Variants in PDE4D observed in about 807,000 individuals in gnomAD.
PDE4D encodes the protein 3',5'-cyclic-AMP phosphodiesterase 4D.
A neutral mutation model predicts 87.4 loss-of-function variants in PDE4D; 24 were observed. That is an observed-to-expected ratio of 0.27 (90% CI 0.20 to 0.39). The LOEUF is 0.39. Among genes scored for constraint, PDE4D ranks in the 10% least tolerant of loss-of-function variants. The probability of loss-of-function intolerance (pLI) is 1.00; values close to 1 mark genes in which losing one functional copy is unlikely to be tolerated. For missense variants in PDE4D, 714 were observed against 1,041.0 expected, an observed-to-expected ratio of 0.69 and a Z score of 4.32; for synonymous variants, 384 against 383.2, an observed-to-expected ratio of 1.00 and a Z score of -0.02.
chr5:60,427,575 T>A (rs921941556), intron 1 of PDE4D, among the ~76,000 whole-genome samples: 1 of 152,176 alleles, frequency 6.6e-6, no homozygotes, highest in African/African-American at 2.4e-5. Context: ...AAGTTGAAGA[T>A]AACTGATACC....
chr5:59,069,111 T>C (rs1165450684), intron 5 of PDE4D, among the ~76,000 whole-genome samples: 2 of 152,158 alleles, frequency 1.3e-5, no homozygotes, highest in African/African-American at 4.8e-5. Flanking sequence ...GAGCCTAAAG[T>C]TATCTAAATA....
chr5:60,439,927 A>C (rs199965396), intron 1 of PDE4D, among the ~76,000 whole-genome samples: 31 of 125,988 alleles, frequency 2.5e-4, no homozygotes, highest in South Asian at 1.4e-3. Flanking sequence ...AAAAAAAAAA[A>C]CAAAAAAAAA....
At chr5:59,082,265 C>T (rs936822276) in intron 5 of PDE4D, among the ~76,000 whole-genome samples, 2 of 152,240 alleles carry the variant, frequency 1.3e-5, no homozygotes, top group Admixed American at 6.5e-5. Flanking sequence ...TTTTCTTCGA[C>T]ATCTATAATT....
intron 1 of PDE4D, among the ~76,000 whole-genome samples, chr5:59,857,635 T>C (rs1745639163): frequency 1.3e-5 from 2 of 152,134 alleles, no homozygotes; most frequent in East Asian, 3.9e-4. Context: ...ACTAGTAACA[T>C]TTTGGAAGAT....
intron 1 of PDE4D, among the ~76,000 whole-genome samples, chr5:60,450,087 A>G (rs1745977568): frequency 6.6e-6 from 1 of 151,200 alleles, no homozygotes; most frequent in South Asian, 2.1e-4. Flanking sequence ...AATCCTGTTT[A>G]ACTGGAATCT....
chr5:59,680,274 TC>T (rs1748786949), intron 1 of PDE4D, among the ~76,000 whole-genome samples: 1 of 152,156 alleles, frequency 6.6e-6, no homozygotes, highest in African/African-American at 2.4e-5. Flanking sequence ...CTAACATTTG[TC>T]CCGTTGTTTC....
intron 1 of PDE4D, among the ~76,000 whole-genome samples, chr5:59,339,387 TTCTG>T (rs1778307887): frequency 6.6e-6 from 1 of 152,176 alleles, no homozygotes; most frequent in Non-Finnish European, 1.5e-5. Context: ...CCAAATAGCA[TTCTG>T]TCTAAGGTTA....
chr5:59,195,588 G>T (rs1245803852), intron 2 of PDE4D, among the ~76,000 whole-genome samples: 1 of 152,218 alleles, frequency 6.6e-6, no homozygotes, highest in Non-Finnish European at 1.5e-5. Context: ...TTTACTCTCT[G>T]ATGGAAGTTT....
At chr5:59,834,040 T>C (rs1479358115) in intron 1 of PDE4D, among the ~76,000 whole-genome samples, 1 of 152,042 alleles carries the variant, frequency 6.6e-6, no homozygotes, top group African/African-American at 2.4e-5. Flanking sequence ...ATCAAAATGA[T>C]CTGGAGACTG....
intron 1 of PDE4D, among the ~76,000 whole-genome samples, chr5:60,205,330 G>A (rs1349647387): frequency 6.6e-6 from 1 of 152,144 alleles, no homozygotes; most frequent in Non-Finnish European, 1.5e-5. Flanking sequence ...TTTGCACTTA[G>A]CACTCCTCTT....
At chr5:60,434,404 A>C (rs1744600059) in intron 1 of PDE4D, among the ~76,000 whole-genome samples, 1 of 151,956 alleles carries the variant, frequency 6.6e-6, no homozygotes, top group Non-Finnish European at 1.5e-5. Context: ...AACACATCTC[A>C]CTGGGCTGAG....
At chr5:59,974,368 A>T (rs1241561640) in intron 3 of PDE4D, among the ~76,000 whole-genome samples, 1 of 152,222 alleles carries the variant, frequency 6.6e-6, no homozygotes, top group African/African-American at 2.4e-5. Context: ...TATAAAAATT[A>T]TTTAAAATAA....
intron 6 of PDE4D, among the ~76,000 whole-genome samples, chr5:58,999,095 T>G (rs1055420387): frequency 6.6e-6 from 1 of 152,200 alleles, no homozygotes; most frequent in East Asian, 1.9e-4. Context: ...TAAAGTAGTA[T>G]AGATTTTTAG....
chr5:59,675,370 G>T (rs986157190), intron 1 of PDE4D, among the ~76,000 whole-genome samples: 1 of 152,110 alleles, frequency 6.6e-6, no homozygotes, highest in Non-Finnish European at 1.5e-5. Context: ...GTGTGTCTGC[G>T]AGCTGTAGCG....
intron 3 of PDE4D, among the ~76,000 whole-genome samples, chr5:59,899,796 T>C (rs890675015): frequency 1.3e-5 from 2 of 152,134 alleles, no homozygotes; most frequent in African/African-American, 4.8e-5. Context: ...GGCTGAGGAA[T>C]AGTAAATCAA....
chr5:59,774,671 A>ATTTTTTTTTTTT (rs1005023443), intron 1 of PDE4D, among the ~76,000 whole-genome samples: 1 of 143,612 alleles, frequency 7.0e-6, no homozygotes. Context: ...TTACAATGGC[A>ATTTTTTTTTTTT]TTTTTTTTTT....
At chr5:60,089,337 G>A (rs1774861603) in intron 2 of PDE4D, among the ~76,000 whole-genome samples, 1 of 151,886 alleles carries the variant, frequency 6.6e-6, no homozygotes, top group East Asian at 1.9e-4. Context: ...ATCATATCCT[G>A]TATATTTTCT....
intron 1 of PDE4D, among the ~76,000 whole-genome samples, chr5:59,237,783 GTGTGTGTGTGTGTGTGTGT>G (rs386688392): frequency 6.9e-6 from 1 of 145,796 alleles, no homozygotes; most frequent in Non-Finnish European, 1.5e-5. Context: ...CCTCATATAG[GTGTGTGTGTGTGTGTGTGT>G]GTGTGTGTGT....
At chr5:60,087,711 G>A (rs1402842452) in intron 2 of PDE4D, among the ~76,000 whole-genome samples, 2 of 151,324 alleles carry the variant, frequency 1.3e-5, no homozygotes, top group Non-Finnish European at 2.9e-5. Context: ...AGAAGCAAAA[G>A]GAAAAAGAAT....
Sources: allele counts gnomAD v4.1 joint callset (sites outside exome capture counted in the v4.1 genomes callset), GRCh38; gene constraint gnomAD v4.1.1; transcripts MANE v1.5; gene names NCBI Gene and HGNC (gene_info 2026-07-23, HGNC 2026-07-21).